Variants in NAALADL2 observed in about 807,000 individuals in gnomAD.
NAALADL2 encodes the protein N-acetylated alpha-linked acidic dipeptidase like 2.
Under a neutral mutation model 87.2 loss-of-function variants are expected in NAALADL2, and 76 were observed. The observed-to-expected ratio is 0.87, with a 90% CI of 0.72 to 1.05. The LOEUF (loss-of-function observed/expected upper bound fraction) is 1.05, where lower values mean the gene tolerates loss of function less well. NAALADL2 is among the 50% of genes least tolerant of loss of function. The pLI is 0.00. For missense variants in NAALADL2, 1,089 were observed against 945.8 expected (o/e 1.15, Z -1.99); for synonymous variants, 354 against 331.0 (o/e 1.07, Z -0.75).
At chr3:175,733,936 G>A (rs1744138261) in intron 11 of NAALADL2, among the ~76,000 whole-genome samples, 1 of 152,214 alleles carries the variant, frequency 6.6e-6, no homozygotes, top group South Asian at 2.1e-4. Context: ...GATGCAAGAG[G>A]TGGGTTCCCA....
At chr3:174,822,920 A>G (rs923917943) in intron 3 of NAALADL2, among the ~76,000 whole-genome samples, 3 of 152,206 alleles carry the variant, frequency 2.0e-5, no homozygotes, top group Admixed American at 6.5e-5. Flanking sequence ...TCTATTTGCA[A>G]TAGAAAGACA....
chr3:174,800,978 C>T lies in NAALADL2; in HGVS notation c.-9+63232C>T, dbSNP rs146494335. 5.7e-3 allele frequency among the ~76,000 whole-genome samples: 874 copies of T among 152,294 alleles called. 9 individuals carry two copies. The highest frequency in any genetic ancestry group is 0.02 in the African/African-American group (833 of 41,556). ...TGTATTTACCCAATTCCTGTACCCC[C>T]ATTGGATCTAGGAAGTAACTAACTT... On this transcript the variant is annotated intron_variant, in intron 3 of 3. Transcript: ENST00000434257.
At chr3:174,802,910 C>T (rs1719010819) in intron 3 of NAALADL2, among the ~76,000 whole-genome samples, 3 of 152,208 alleles carry the variant, frequency 2.0e-5, no homozygotes, top group South Asian at 4.2e-4. Flanking sequence ...GGTTCCAAGT[C>T]TTTGCTCTTG....
chr3:174,901,693 G>T (rs183245574), intron 1 of NAALADL2, among the ~76,000 whole-genome samples: 287 of 152,210 alleles, frequency 1.9e-3, no homozygotes, highest in Admixed American at 5.6e-3. Flanking sequence ...GCCATTTCCA[G>T]TCAGGTCAGA....
intron 9 of NAALADL2, among the ~76,000 whole-genome samples, chr3:175,574,897 TCTTATA>T (rs140046693): frequency 0.012 from 1,791 of 152,298 alleles, 35 homozygotes; most frequent in African/African-American, 0.04. Flanking sequence ...CACTTGATGT[TCTTATA>T]CTTATTGTCT....
chr3:174,610,455 C>A (rs1042752203), intron 2 of NAALADL2, among the ~76,000 whole-genome samples: 24 of 151,448 alleles, frequency 1.6e-4, no homozygotes, highest in Non-Finnish European at 2.4e-4. Context: ...CAATGAACTC[C>A]AACAAATTTA....
In NAALADL2 at chr3:174,918,496, C is replaced by T. The variant is rs1443707031; in HGVS notation, c.43+59046C>T. ...CACTAGCCTGCAGCTCAGCTAAGCT[C>T]ACTTGTGCATCTGTACTCAGTTTTG... On this transcript the variant is annotated intron_variant, in intron 1 of 13. Coordinates refer to ENST00000454872, the MANE Select transcript of NAALADL2 (RefSeq NM_207015.3). Among the ~76,000 whole-genome samples the T allele has an allele frequency of 2.0e-5, 3 of 152,232 alleles. No individual in the cohort carries two copies. The South Asian group carries it at 6.2e-4, about 32-fold the overall frequency.
chr3:174,943,857 G>C (rs1047662563), intron 1 of NAALADL2, among the ~76,000 whole-genome samples: 28 of 152,166 alleles, frequency 1.8e-4, no homozygotes, highest in African/African-American at 6.5e-4. Context: ...GAATAGCAAA[G>C]TCAGTTCCAC....
chr3:174,446,830 A>T lies in NAALADL2; in HGVS notation c.-184+5798A>T, dbSNP rs930388223. Reference sequence around the variant, plus strand: ...TTTTGAAATGCTGGTTGTAGAAGCCAGCTTGAAATTTTTGATCACCTTCAG... The same window carrying T: ...TTTTGAAATGCTGGTTGTAGAAGCCTGCTTGAAATTTTTGATCACCTTCAG... On this transcript the variant is annotated intron_variant, in intron 1 of 3. Transcript: ENST00000434257. Among the ~76,000 whole-genome samples the T allele has an allele frequency of 2.0e-5, 3 of 152,164 alleles. No individual in the cohort carries two copies. The East Asian group carries it at 5.8e-4, about 29-fold the overall frequency.
At chr3:175,501,374 G>T (rs947508261) in intron 9 of NAALADL2, among the ~76,000 whole-genome samples, 17 of 150,858 alleles carry the variant, frequency 1.1e-4, no homozygotes, top group Admixed American at 4.7e-4. Flanking sequence ...ATATTACCCT[G>T]GAGGTTAAAA....
intron 3 of NAALADL2, among the ~76,000 whole-genome samples, chr3:174,830,476 C>T (rs1344938661): frequency 1.3e-5 from 2 of 151,916 alleles, no homozygotes; most frequent in African/African-American, 4.8e-5. Context: ...ATCTATATCT[C>T]TGTTTTGGTA....
At chr3:175,247,843 CATA>C (rs745755768) in intron 3 of NAALADL2, among the ~76,000 whole-genome samples, 2 of 152,170 alleles carry the variant, frequency 1.3e-5, no homozygotes, top group Non-Finnish European at 2.9e-5. Context: ...TTATGTAGGG[CATA>C]ACAGGCCATG....
At chr3:174,506,341 C>T (rs1366788378) in intron 1 of NAALADL2, among the ~76,000 whole-genome samples, 2 of 151,752 alleles carry the variant, frequency 1.3e-5, no homozygotes, top group South Asian at 2.1e-4. Flanking sequence ...CCACCATACC[C>T]GCCTAATTTT....
intron 2 of NAALADL2, among the ~76,000 whole-genome samples, chr3:174,680,773 G>T (rs1018918933): frequency 6.6e-6 from 1 of 152,174 alleles, no homozygotes; most frequent in Non-Finnish European, 1.5e-5. Flanking sequence ...AGAAGGAGGA[G>T]CAAGATGGCC....
chr3:175,504,566 TCTCTCTCTCTC>T (rs1730009306), intron 9 of NAALADL2, among the ~76,000 whole-genome samples: 1 of 1,012 alleles, frequency 9.9e-4, no homozygotes, highest in Non-Finnish European at 1.7e-3. Context: ...TCTCTCTGTT[TCTCTCTCTCTC>T]TCTCTCTCTC....
At chr3:175,016,245 C>G (rs1750786291) in intron 1 of NAALADL2, among the ~76,000 whole-genome samples, 1 of 140,340 alleles carries the variant, frequency 7.1e-6, no homozygotes, top group Non-Finnish European at 1.5e-5. Context: ...TTAGGCCTAT[C>G]TCAGATAAAT....
At chr3:175,379,680 C>T (rs1176257902) in intron 5 of NAALADL2, among the ~76,000 whole-genome samples, 1 of 151,996 alleles carries the variant, frequency 6.6e-6, no homozygotes, top group East Asian at 1.9e-4. Context: ...GCTGAGATTA[C>T]AGGTGTGAGC....
Position 174,730,288 on chromosome 3 carries a change from G to A in NAALADL2, c.-114-7353G>A, listed in dbSNP as rs140952336. ...TTTGAATTTGTTCTGTGTTATCTGT[G>A]TGTCCGTTTATATATTCATTAATTT... is the stretch of plus-strand genomic sequence containing the variant. On this transcript the variant is annotated intron_variant, in intron 2 of 3. Coordinates refer to the NAALADL2 transcript ENST00000434257. 7.7e-3 allele frequency among the ~76,000 whole-genome samples: 1,164 copies of A among 152,098 alleles called. 16 individuals are homozygous for A. Among genetic ancestry groups the A allele is most frequent in the Middle Eastern group, 0.027 (8 of 292 alleles).
chr3:175,419,011 CTT>C (rs1221648284), intron 5 of NAALADL2, among the ~76,000 whole-genome samples: 1 of 143,242 alleles, frequency 7.0e-6, no homozygotes. Flanking sequence ...TTTTCTTTTT[CTT>C]TTTTTTTTTT....
Sources: gnomAD v4.1 joint callset for allele counts (sites outside exome capture counted in the v4.1 genomes callset) on GRCh38, gnomAD v4.1.1 for gene constraint, MANE v1.5 for transcripts, NCBI Gene and HGNC (gene_info 2026-07-23, HGNC 2026-07-21) for gene names.